The following CFAP65 variants were observed in gnomAD, a reference collection of about 807,000 sequenced individuals.
CFAP65 encodes the protein cilia and flagella associated protein 65, also known as cilia- and flagella-associated protein 65.
CFAP65 carries 155 observed loss-of-function variants against 208.0 expected under a neutral mutation model. The observed-to-expected ratio is 0.75, with a 90% CI of 0.65 to 0.85. CFAP65 has a LOEUF of 0.85. CFAP65 is among the 40% of genes least tolerant of loss of function. The pLI, the probability that CFAP65 is intolerant of heterozygous loss-of-function variation, is 0.00. For synonymous variants in CFAP65, 970 were observed against 986.3 expected, an observed-to-expected ratio of 0.98 and a Z score of 0.31; for missense variants, 2,294 against 2,451.3, an observed-to-expected ratio of 0.94 and a Z score of 1.36.
intron 21 of CFAP65, chr2:219,018,802 T>A: frequency 1.9e-6 from 1 of 527,594 alleles, no homozygotes; most frequent in Non-Finnish European, 3.5e-6. Context: ...TTAAGGCCAC[T>A]ATGCCCAGGC....
chr2:219,035,936 C>T lies in CFAP65; in HGVS notation c.358-272G>A, dbSNP rs188823693. ...CCCTGCCCCTGAAGCCTTCCCTGGG[C>T]GGCTCCATCAGCCACTCTGTGCAAA... On this transcript the variant is annotated intron_variant, in intron 4 of 34. Coordinates refer to ENST00000341552, the MANE Select transcript of CFAP65 (RefSeq NM_194302.4). Among the ~76,000 whole-genome samples the T allele has an allele frequency of 5.9e-5, 9 of 152,274 alleles. No homozygotes were observed. In the East Asian group the frequency reaches 1.2e-3, roughly 20 times the overall value.
intron 4 of CFAP65, among the ~76,000 whole-genome samples, chr2:219,037,173 C>T (rs113680135): frequency 2.0e-5 from 3 of 152,036 alleles, no homozygotes; most frequent in Non-Finnish European, 4.4e-5. Flanking sequence ...GGGTGAATCA[C>T]GAAGTCAGGA....
At position 219,031,493 on chromosome 2, in the gene CFAP65, C is replaced by T. The variant is rs1222534137; in HGVS notation, c.811G>A (p.Val271Met). The T allele has an allele frequency of 1.9e-6, 3 of 1,614,234 alleles. No individual in the cohort carries two copies. The highest frequency in any genetic ancestry group is 2.5e-6 in the Non-Finnish European group (3 of 1,180,048). ...TTEAFFCLDNVGDLPTFFTWE... is the reference protein window; with the variant it reads ...TTEAFFCLDNMGDLPTFFTWE... ...GCACCTCAGCCTCTTCCTCACCCCA[C>T]ATTATCCAGGCAGAAAAAGGCCTCA... is the stretch of plus-strand genomic sequence containing the variant. Residue 271 changes from valine to methionine, a missense_variant, in exon 7 of 35, where the codon GTG becomes ATG. By Grantham distance (21) the Val-to-Met change is conservative. Transcript: ENST00000341552. This position sits in a 1 kb window ranked among gnomAD's most constrained non-coding sequence, Gnocchi z 5.2.
Position 219,002,953 on chromosome 2 carries a change from G to A in CFAP65, c.5762C>T (p.Pro1921Leu), listed in dbSNP as rs1945676085. The change falls in exon 35 of 35, where the codon CCT becomes CTT. Residue 1921 changes from proline to leucine, a missense_variant. By Grantham distance (98) the Pro-to-Leu change is moderately conservative (BLOSUM62 -3). This residue lies in a region of CFAP65 where 1,427 missense variants were observed against 1,438.7 expected (regional missense o/e 0.99). Coordinates refer to ENST00000341552, the MANE Select transcript of CFAP65 (RefSeq NM_194302.4). The surrounding 1 kb of genome is among the most constrained non-coding windows in gnomAD (Gnocchi z 7.9). ...CGCGGGCATTTACGGAAGGTCGGTA[G>A]GAAGTGGCACCACCGGGTGGAGTAC... is the stretch of plus-strand genomic sequence containing the variant. ...AEVLHPVVPL[P>L]TDLP The A allele has an allele frequency of 1.3e-6, 2 of 1,566,926 alleles. No individual in the cohort carries two copies. Among genetic ancestry groups the A allele is most frequent in the Non-Finnish European group, 8.7e-7 (1 of 1,155,642 alleles).
Position 219,010,594 on chromosome 2 carries a change from G to A in CFAP65, c.4260C>T (p.Ser1420=). The part of the protein sequence containing the change: ...MGDTAPFHNI[S]SWDNSSIHSR... ...AGTGTATGGAACTGTTGTCCCACGA[G>A]GAGATGTTGTGGAATGGGGCTGTGT... is the stretch of plus-strand genomic sequence containing the variant. Residue 1420 remains serine, a synonymous_variant, in exon 26 of 35, where the codon TCC becomes TCT. Coordinates refer to ENST00000341552, the MANE Select transcript of CFAP65 (RefSeq NM_194302.4). The A allele has an allele frequency of 6.2e-7, 1 of 1,611,908 alleles. No individual in the cohort carries two copies. Among genetic ancestry groups the A allele is most frequent in the Non-Finnish European group, 8.5e-7 (1 of 1,179,696 alleles).
Position 219,004,998 on chromosome 2 carries a change from T to C in CFAP65, c.5051+436A>G, listed in dbSNP as rs1398720610. 1.3e-5 allele frequency among the ~76,000 whole-genome samples: 2 copies of C among 151,980 alleles called. No individual in the cohort carries two copies. The highest frequency in any genetic ancestry group is 3.9e-4 in the East Asian group (2 of 5,156). On this transcript the variant is annotated intron_variant, in intron 32 of 34. Coordinates refer to ENST00000341552, the MANE Select transcript of CFAP65 (RefSeq NM_194302.4). The surrounding 1 kb of genome is among the most constrained non-coding windows in gnomAD (Gnocchi z 4.7). ...CTTTCTCTCTTTCTGTCTTTGTCTC[T>C]TTCTTTCTTTCTCTTTTCTTTTCTT...
chr2:219,005,571 G>A lies in CFAP65; in HGVS notation c.4923-9C>T, dbSNP rs201471993. ...TCCTCTTTGGCAGCTCCCTGTGGCA[G>A]CCATGACATTCTGAGTGGCCTGGGC... On this transcript the variant is annotated splice_polypyrimidine_tract_variant and intron_variant, in intron 31 of 34. Transcript: ENST00000341552. 12 of 1,610,908 alleles carry A rather than the reference G, an allele frequency of 7.4e-6. No homozygotes were observed. The Middle Eastern group carries it at 1.8e-3, about 237-fold the overall frequency.
At chr2:219,039,554 G>GC (rs1416276302) in intron 2 of CFAP65, among the ~76,000 whole-genome samples, 2 of 152,082 alleles carry the variant, frequency 1.3e-5, no homozygotes, top group African/African-American at 4.8e-5. Context: ...ACATGGCACT[G>GC]CCCCCCAAAA....
At chr2:219,019,809 C>A (rs1212031018) in intron 19 of CFAP65, 90 bp from the exon 20 acceptor site, 8 of 1,032,316 alleles carry the variant, frequency 7.7e-6, no homozygotes, top group Non-Finnish European at 1.2e-5. Context: ...GAGTCCTGGG[C>A]AGTTGGCCCC....
chr2:219,038,731 G>T, intron 3 of CFAP65, 153 bp from the exon 4 acceptor site: 1 of 1,090,424 alleles, frequency 9.2e-7, no homozygotes, highest in Non-Finnish European at 1.4e-6. Flanking sequence ...GAATGAGGCT[G>T]TACACGAGAT....
Position 219,031,258 on chromosome 2 carries a change from A to G in CFAP65, c.863T>C (p.Met288Thr), listed in dbSNP as rs2106234155. 1 of 1,613,942 alleles carries G rather than the reference A, an allele frequency of 6.2e-7. No homozygotes were observed. Among genetic ancestry groups the G allele is most frequent in the African/African-American group, 1.3e-5 (1 of 75,064 alleles). The change falls in exon 8 of 35, where the codon ATG becomes ACG. Residue 288 changes from methionine (M) to threonine (T), a missense_variant. This residue lies in a region of CFAP65 where 867 missense variants were observed against 1,012.6 expected (regional missense o/e 0.86). Transcript: ENST00000341552. This position sits in a 1 kb window ranked among gnomAD's most constrained non-coding sequence, Gnocchi z 5.2. ...CTCCAGGAGCCCCGTGGCGGGCAGC[A>G]TCTGGAATGGGCTGGAGAACTCCCA... ...FTWEFSSPFQ[M>T]LPATGLLEPG...
chr2:219,027,547 GA>G, intron 13 of CFAP65, 102 bp downstream of exon 13: 1 of 1,612,874 alleles, frequency 6.2e-7, no homozygotes, highest in Non-Finnish European at 8.5e-7. Flanking sequence ...GCACGCAGAG[GA>G]TGGAGCCTGA....
At position 219,003,245 on chromosome 2, in the gene CFAP65, C is replaced by T. The variant is rs1023636033; in HGVS notation, c.5583G>A (p.Glu1861=). ...RRLPAFANLQ[E]ALLENMIQNI... is the part of the protein sequence containing the mutation. Reference sequence around the variant, plus strand: ...TCTGGATCATGTTCTCCAGCAGCGCCTCCTGCAGGTTGGCGAAGGCCGGGA... The same window carrying T: ...TCTGGATCATGTTCTCCAGCAGCGCTTCCTGCAGGTTGGCGAAGGCCGGGA... The change falls in exon 34 of 35, where the codon GAG becomes GAA. Residue 1861 remains glutamate (E), a synonymous_variant. Coordinates refer to ENST00000341552, the MANE Select transcript of CFAP65 (RefSeq NM_194302.4). The surrounding 1 kb of genome is among the most constrained non-coding windows in gnomAD (Gnocchi z 4.4). The T allele has an allele frequency of 4.5e-6, 7 of 1,545,966 alleles. No individual in the cohort carries two copies. In the African/African-American group the frequency reaches 8.2e-5, roughly 18 times the overall value.
rs745952417 is a variant in CFAP65, at chr2:219,029,543, C to T, written c.1510G>A (p.Asp504Asn). The T allele has an allele frequency of 1.1e-5, 18 of 1,613,956 alleles. No homozygotes were observed. The highest frequency in any genetic ancestry group is 6.7e-5 in the Admixed American group (4 of 60,002). The change falls in exon 11 of 35, where the codon GAC becomes AAC. Residue 504 changes from aspartate to asparagine, a missense_variant. Physicochemically the swap from Asp to Asn is conservative, Grantham distance 23. This residue lies in a region of CFAP65 where 867 missense variants were observed against 1,012.6 expected (regional missense o/e 0.86). Transcript: ENST00000341552. ...DCTAHFQFAI[D>N]CLESVFTIRP... Reference sequence around the variant, plus strand: ...ATGGTAAAGACACTCTCCAAGCAGTCGATGGCAAACTGGAAGTGGGCCGTG... The same window carrying T: ...ATGGTAAAGACACTCTCCAAGCAGTTGATGGCAAACTGGAAGTGGGCCGTG...
At chr2:219,033,834 T>A (rs1948196568) in intron 5 of CFAP65, 1 of 151,852 alleles carries the variant, frequency 6.6e-6, no homozygotes, top group African/African-American at 2.4e-5. Flanking sequence ...GAAAAAAAAA[T>A]GTCATTTTCC....
chr2:219,037,664 G>T (rs186908668), intron 4 of CFAP65, among the ~76,000 whole-genome samples: 15 of 152,294 alleles, frequency 9.8e-5, no homozygotes, highest in Non-Finnish European at 1.8e-4. Context: ...TCTCCTCCTA[G>T]CTCAGAGCAG....
chr2:219,008,570 C>A (rs1946194159), intron 29 of CFAP65, among the ~76,000 whole-genome samples: 1 of 152,088 alleles, frequency 6.6e-6, no homozygotes. Flanking sequence ...CATGGTGAAA[C>A]CCCATCCCTA....
In CFAP65 at chr2:219,032,053, G is replaced by A. The variant is rs960837543; in HGVS notation, c.646-395C>T. On this transcript the variant is annotated intron_variant, in intron 6 of 34. Transcript: ENST00000341552. The surrounding 1 kb of genome is among the most constrained non-coding windows in gnomAD (Gnocchi z 5.5). ...TGCTGCCTCAGCCTCCCAAGTAGCTGGGACTACAGGCATGTGCCACCATGC... is the reference window on the plus strand; with the variant it reads ...TGCTGCCTCAGCCTCCCAAGTAGCTAGGACTACAGGCATGTGCCACCATGC... Among the ~76,000 whole-genome samples, 47 of 151,674 alleles carry A rather than the reference G, an allele frequency of 3.1e-4. No individual in the cohort carries two copies. Among genetic ancestry groups the A allele is most frequent in the Admixed American group, 3.0e-3 (46 of 15,228 alleles).
rs1559158345 is a variant in CFAP65 at position 219,031,799 on chromosome 2, C to T, written c.646-141G>A. The T allele has an allele frequency of 1.1e-6, 1 of 933,818 alleles. No homozygotes were observed. The highest frequency in any genetic ancestry group is 2.6e-5 in the East Asian group (1 of 37,872). 57.8% of individuals were successfully genotyped at this position (933,818 alleles called of 1,614,324 possible). On this transcript the variant is annotated intron_variant, in intron 6 of 34. Transcript: ENST00000341552. This position sits in a 1 kb window ranked among gnomAD's most constrained non-coding sequence, Gnocchi z 5.2. ...CACCCACGTCAGACTCTGAGGGGAG[C>T]TGGGCACCTATGTTGTCTTGGTCTC... is the stretch of plus-strand genomic sequence containing the variant.
Sources: gnomAD v4.1 joint callset for allele counts (sites outside exome capture counted in the v4.1 genomes callset) on GRCh38, gnomAD v4.1.1 for gene constraint, gnomAD v4.1.1 regional missense constraint, Gnocchi (gnomAD v3.1) non-coding constraint, MANE v1.5 for transcripts, NCBI Gene and HGNC (gene_info 2026-07-23, HGNC 2026-07-21) for gene names.